The following UBIAD1 variants were observed in gnomAD, a reference collection of about 807,000 sequenced individuals.
UBIAD1 encodes UbiA prenyltransferase domain containing 1.
Under a neutral mutation model 20.1 loss-of-function variants are expected in UBIAD1, and 12 were observed. That is an observed-to-expected ratio of 0.60 (90% CI 0.38 to 0.97). The LOEUF (loss-of-function observed/expected upper bound fraction) is 0.97, where lower values mean the gene tolerates loss of function less well. Among genes scored for constraint, UBIAD1 ranks in the 50% least tolerant of loss-of-function variants. The probability of loss-of-function intolerance (pLI) is 0.00; values close to 1 mark genes in which losing one functional copy is unlikely to be tolerated. For synonymous variants in UBIAD1, 207 were observed against 189.2 expected (o/e 1.09, Z -0.77); for missense variants, 333 against 419.5 (o/e 0.79, Z 1.80).
chr1:11,290,721 G>C (rs1638353885), downstream of UBIAD1, among the ~76,000 whole-genome samples: 1 of 152,342 alleles, frequency 6.6e-6, no homozygotes, highest in African/African-American at 2.4e-5. Context: ...GCTTACGCCT[G>C]TAATCCCAGC....
At chr1:11,299,340 C>T (rs1350816557), downstream of UBIAD1, among the ~76,000 whole-genome samples, 3 of 152,190 alleles carry the variant, frequency 2.0e-5, no homozygotes, top group African/African-American at 4.8e-5. Context: ...GGTGCATGCT[C>T]GGCTTGTTTC....
At position 11,285,487 on chromosome 1, in the gene UBIAD1, A is replaced by G. The variant is rs909246788; in HGVS notation, c.530-157A>G. Reference sequence around the variant, plus strand: ...CTGTGGCATTGGAGAAGAAATCAGAATTTGCTCTGTGGGGTTAAGGGATGA... The same window carrying G: ...CTGTGGCATTGGAGAAGAAATCAGAGTTTGCTCTGTGGGGTTAAGGGATGA... On this transcript the variant is annotated intron_variant, in intron 1 of 1. Transcript: ENST00000376810. The surrounding 1 kb of genome is among the most constrained non-coding windows in gnomAD (Gnocchi z 4.4). Among the ~76,000 whole-genome samples the G allele has an allele frequency of 1.3e-5, 2 of 152,104 alleles. No homozygotes were observed. The highest frequency in any genetic ancestry group is 4.8e-5 in the African/African-American group (2 of 41,408).
chr1:11,294,839 A>T (rs1454507241), intron 1 of UBIAD1: 2 of 717,288 alleles, frequency 2.8e-6, no homozygotes, highest in Admixed American at 4.0e-5. Context: ...CTGTCCCCTC[A>T]TCTGTCTGTC....
intron 1 of UBIAD1, among the ~76,000 whole-genome samples, chr1:11,280,322 C>T (rs555181977): frequency 6.6e-6 from 1 of 152,236 alleles, no homozygotes; most frequent in Admixed American, 6.5e-5. Context: ...GGCAGGGTCT[C>T]TGTCATGGCG....
At position 11,287,105 on chromosome 1, in the gene UBIAD1, A is replaced by G. The variant is rs1424587009; in HGVS notation, c.*974A>G. 2.0e-5 allele frequency: 3 copies of G among 152,280 alleles called. No individual in the cohort carries two copies. The highest frequency in any genetic ancestry group is 6.5e-5 in the Admixed American group (1 of 15,274). 9.4% of individuals were successfully genotyped at this position (152,280 alleles called of 1,614,324 possible). A position where few individuals can be genotyped will look rare whatever the true frequency, so the allele number is the denominator to read the frequency against. ...CCCATCTGTGGAGCCAGACTGAGCAATAGCTTAGCAGCGAGTCAGGGACAG... is the reference window on the plus strand; with the variant it reads ...CCCATCTGTGGAGCCAGACTGAGCAGTAGCTTAGCAGCGAGTCAGGGACAG... On this transcript the variant is annotated 3_prime_UTR_variant, in exon 2 of 2. Coordinates refer to ENST00000376810, the MANE Select transcript of UBIAD1 (RefSeq NM_013319.3).
intron 1 of UBIAD1, chr1:11,279,244 T>G (rs563632659): frequency 6.9e-5 from 16 of 230,826 alleles, no homozygotes; most frequent in Non-Finnish European, 1.3e-4. Context: ...CTTCATCATC[T>G]TTAAGGCCCC....
At position 11,280,998 on chromosome 1, in the gene UBIAD1, C is replaced by G. The variant is rs76471581; in HGVS notation, c.530-4646C>G. ...TCTTTGCCCACCTTTTGCCCTCCCC[C>G]CAGTTCTCTGACCCACCCTCCTCCT... On this transcript the variant is annotated intron_variant, in intron 1 of 1. Coordinates refer to ENST00000376810, the MANE Select transcript of UBIAD1 (RefSeq NM_013319.3). 2.0e-5 allele frequency among the ~76,000 whole-genome samples: 3 copies of G among 152,198 alleles called. No homozygotes were observed. In the East Asian group the frequency reaches 5.8e-4, roughly 29 times the overall value.
rs955744793 is a variant in UBIAD1 at position 11,285,066 on chromosome 1, G to A, written c.530-578G>A. On this transcript the variant is annotated intron_variant, in intron 1 of 1. Transcript: ENST00000376810. This position sits in a 1 kb window ranked among gnomAD's most constrained non-coding sequence, Gnocchi z 4.4. ...ATCTCATAGGAGACAGAGGAGGAAAGCAGCATTATAACTCTCCTGTCCTCG... is the reference window on the plus strand; with the variant it reads ...ATCTCATAGGAGACAGAGGAGGAAAACAGCATTATAACTCTCCTGTCCTCG... Among the ~76,000 whole-genome samples the A allele has an allele frequency of 3.3e-5, 5 of 152,192 alleles. No homozygotes were observed. Among genetic ancestry groups the A allele is most frequent in the African/African-American group, 1.2e-4 (5 of 41,448 alleles).
chr1:11,293,155 C>A (rs548930255), downstream of UBIAD1, among the ~76,000 whole-genome samples: 33 of 152,214 alleles, frequency 2.2e-4, no homozygotes, highest in African/African-American at 7.7e-4. Flanking sequence ...TGCTCCCAAC[C>A]AGGCTGAGTG....
At chr1:11,298,901 C>T (rs1638489317), downstream of UBIAD1, among the ~76,000 whole-genome samples, 1 of 152,228 alleles carries the variant, frequency 6.6e-6, no homozygotes, top group African/African-American at 2.4e-5. The surrounding 1 kb of genome is among the most constrained non-coding windows in gnomAD (Gnocchi z 4.0). Context: ...GTTATCCTGC[C>T]AGCTTGGCAC....
rs529723794 is a variant in UBIAD1 at position 11,282,280 on chromosome 1, T to G, written c.530-3364T>G. Among the ~76,000 whole-genome samples the G allele has an allele frequency of 9.8e-5, 15 of 152,336 alleles. No homozygotes were observed. The South Asian group carries it at 2.9e-3, about 29-fold the overall frequency. On this transcript the variant is annotated intron_variant, in intron 1 of 1. Coordinates refer to ENST00000376810, the MANE Select transcript of UBIAD1 (RefSeq NM_013319.3). ...TAACAGATTCATTCTGGCTGCCGTG[T>G]GGAGAACCGGCCCAGTATTTCACTG...
downstream of UBIAD1, among the ~76,000 whole-genome samples, chr1:11,290,527 A>G (rs1394074810): frequency 1.2e-4 from 18 of 151,908 alleles, no homozygotes; most frequent in Admixed American, 1.2e-3. Context: ...CACCTCCCCT[A>G]CTCAAAGCAT....
Position 11,286,008 on chromosome 1 carries a change from A to T in UBIAD1, c.894A>T (p.Arg298Ser). The T allele has an allele frequency of 6.2e-7, 1 of 1,614,164 alleles. No homozygotes were observed. Among genetic ancestry groups the T allele is most frequent in the Non-Finnish European group, 8.5e-7 (1 of 1,180,020 alleles). Residue 298 changes from arginine (R) to serine (S), a missense_variant, in exon 2 of 2, where the codon AGA becomes AGT. Physicochemically the swap from Arg to Ser is moderately radical, Grantham distance 110. Coordinates refer to ENST00000376810, the MANE Select transcript of UBIAD1 (RefSeq NM_013319.3). ...TTCCCATGGCCTTCTCCCTTGAGAG[A>T]CAGTTTCGAAGCCAGGCCTTCAACA... is the stretch of plus-strand genomic sequence containing the variant. ...LTIPMAFSLE[R>S]QFRSQAFNKL...
chr1:11,295,176 T>C (rs1638427730), downstream of UBIAD1: 5 of 461,496 alleles, frequency 1.1e-5, no homozygotes, highest in Non-Finnish European at 2.0e-5. Context: ...AAGGTAGAGA[T>C]GGGGCTGCTG....
downstream of UBIAD1, among the ~76,000 whole-genome samples, chr1:11,293,187 G>A (rs77768358): frequency 0.062 from 9,464 of 152,046 alleles, 504 homozygotes; most frequent in African/African-American, 0.13. Flanking sequence ...GTTGGTCTGG[G>A]CGCTTCTATG....
chr1:11,276,890 C>A (rs1014700605), intron 1 of UBIAD1, among the ~76,000 whole-genome samples: 1 of 152,076 alleles, frequency 6.6e-6, no homozygotes, highest in African/African-American at 2.4e-5. Context: ...TCAAAACAAT[C>A]CTGAACATAT....
At chr1:11,295,001 G>C in exon 2 of UBIAD1, 2 of 714,676 alleles carry the variant, frequency 2.8e-6, no homozygotes, top group Non-Finnish European at 5.2e-6. Flanking sequence ...TTCGAGGAGA[G>C]GGAAGTGAGC....
At position 11,273,612 on chromosome 1, in the gene UBIAD1, G is replaced by A. The variant is rs200290837; in HGVS notation, c.81G>A (p.Leu27=). 2 of 1,614,002 alleles carry A rather than the reference G, an allele frequency of 1.2e-6. No individual in the cohort carries two copies. Among genetic ancestry groups the A allele is most frequent in the East Asian group, 2.2e-5 (1 of 44,880 alleles). The change falls in exon 1 of 2, where the codon CTG becomes CTA. Residue 27 remains leucine, a synonymous_variant. Coordinates refer to ENST00000376810, the MANE Select transcript of UBIAD1 (RefSeq NM_013319.3). The surrounding 1 kb of genome is among the most constrained non-coding windows in gnomAD (Gnocchi z 4.9). The part of the protein sequence containing the change: ...ETVKAGDRDP[L]GNDCPEQDRL... Reference sequence around the variant, plus strand: ...TCAAAGCTGGGGACAGGGACCCGCTGGGGAACGACTGTCCCGAGCAAGATA... The same window carrying A: ...TCAAAGCTGGGGACAGGGACCCGCTAGGGAACGACTGTCCCGAGCAAGATA...
intron 1 of UBIAD1, among the ~76,000 whole-genome samples, chr1:11,279,606 G>A (rs543803590): frequency 1.3e-5 from 2 of 152,192 alleles, no homozygotes; most frequent in African/African-American, 4.8e-5. Context: ...AGCAGAGACG[G>A]TGTTTCACCA....
Sources: gnomAD v4.1 joint callset for allele counts (sites outside exome capture counted in the v4.1 genomes callset) on GRCh38, gnomAD v4.1.1 for gene constraint, Gnocchi (gnomAD v3.1) non-coding constraint, MANE v1.5 for transcripts, NCBI Gene and HGNC (gene_info 2026-07-23, HGNC 2026-07-21) for gene names.